PKN3: variants seen among roughly 807,000 people sequenced by gnomAD.
The protein encoded by PKN3 is serine/threonine-protein kinase N3.
Under a neutral mutation model 113.1 loss-of-function variants are expected in PKN3, and 91 were observed. The observed-to-expected ratio is 0.80, with a 90% CI of 0.68 to 0.96. The LOEUF (loss-of-function observed/expected upper bound fraction) is 0.96, where lower values mean the gene tolerates loss of function less well. Ranked by LOEUF, PKN3 falls within the 40% of genes least tolerant of loss-of-function variation. PKN3 has a pLI of 0.00. For synonymous variants in PKN3, 467 were observed against 499.0 expected (o/e 0.94, Z 0.85); for missense variants, 1,052 against 1,202.2 (o/e 0.88, Z 1.85).
At chr9:128,719,638 G>A in intron 18 of PKN3, 48 bp from the exon 19 acceptor site, 1 of 1,513,716 alleles carries the variant, frequency 6.6e-7, no homozygotes, top group Non-Finnish European at 8.9e-7. Flanking sequence ...TGAAGTTATT[G>A]TGAATAGGCC....
Position 128,714,866 on chromosome 9 carries a change from G to T in PKN3, c.1652+1G>T. On this transcript the variant is annotated splice_donor_variant, in intron 13 of 21. Transcript: ENST00000291906. LOFTEE classifies it high-confidence loss of function. ...CATCTCCACCAGCCTCCCCCACCAG[G>T]TACCCCATCCTGCGCACCTTCATGT... The T allele has an allele frequency of 6.2e-7, 1 of 1,613,522 alleles. No homozygotes were observed. The highest frequency in any genetic ancestry group is 8.5e-7 in the Non-Finnish European group (1 of 1,179,586).
intron 11 of PKN3, 97 bp downstream of exon 11, chr9:128,714,462 C>A: frequency 1.7e-6 from 2 of 1,170,740 alleles, no homozygotes; most frequent in Non-Finnish European, 2.6e-6. Flanking sequence ...CATTGCTCAG[C>A]CCGCTAACCC....
Position 128,706,998 on chromosome 9 carries a change from C to A in PKN3, c.626C>A (p.Thr209Lys), listed in dbSNP as rs772648294. ...NVVKLLSSRR[T>K]QDRKALAEAQ... ...GTGAAACTGCTTAGTAGCCGGAGAA[C>A]ACAGGACCGCAAGGCACTGGCTGAG... Residue 209 changes from threonine (T) to lysine (K), a missense_variant, in exon 5 of 22, where the codon ACA becomes AAA. Transcript: ENST00000291906. 5 of 1,614,088 alleles carry A rather than the reference C, an allele frequency of 3.1e-6. No homozygotes were observed. Among genetic ancestry groups the A allele is most frequent in the Non-Finnish European group, 4.2e-6 (5 of 1,180,032 alleles).
chr9:128,705,551 A>G lies in PKN3; in HGVS notation c.265+8A>G. On this transcript the variant is annotated splice_region_variant and intron_variant, in intron 2 of 21. Transcript: ENST00000291906. ...CTGGGCCTGGCCCAGCTGGTGAGTG[A>G]GGAGCTGAGACCCCCTCAGGACAGA... 1 of 1,553,974 alleles carries G rather than the reference A, an allele frequency of 6.4e-7. No homozygotes were observed. The highest frequency in any genetic ancestry group is 8.7e-7 in the Non-Finnish European group (1 of 1,149,456).
intron 6 of PKN3, among the ~76,000 whole-genome samples, chr9:128,711,589 C>G (rs1326188999): frequency 1.3e-5 from 2 of 151,840 alleles, no homozygotes; most frequent in African/African-American, 2.4e-5. Flanking sequence ...TGAGCCACCA[C>G]GCCCGGCCTT....
chr9:128,703,515 A>G (rs897144977), intron 1 of PKN3: 1 of 985,220 alleles, frequency 1.0e-6, no homozygotes, highest in African/African-American at 1.7e-5. Flanking sequence ...GTTTCCTGCC[A>G]GAGCTGGCAG....
At position 128,707,207 on chromosome 9, in the gene PKN3, T is replaced by C. The variant is rs770845002; in HGVS notation, c.652-15T>C. On this transcript the variant is annotated splice_polypyrimidine_tract_variant and intron_variant, in intron 5 of 21. Coordinates refer to ENST00000291906, the MANE Select transcript of PKN3 (RefSeq NM_013355.5). ...TATACCCCACGAACCTGGCTCTACG[T>C]TGTCCCCTCTGCAGGCCCAGGCCCA... 4.4e-6 allele frequency: 7 copies of C among 1,596,518 alleles called. No homozygotes were observed. Among genetic ancestry groups the C allele is most frequent in the Non-Finnish European group, 5.1e-6 (6 of 1,167,990 alleles).
At chr9:128,711,869 G>C (rs1224424715) in intron 6 of PKN3, among the ~76,000 whole-genome samples, 1 of 151,684 alleles carries the variant, frequency 6.6e-6, no homozygotes, top group Non-Finnish European at 1.5e-5. Context: ...AAAGTGCTGG[G>C]ATTACAGGTG....
In PKN3 at chr9:128,719,660, C is replaced by T. The variant is rs936756403; in HGVS notation, c.2126-26C>T. On this transcript the variant is annotated intron_variant, in intron 18 of 21. Coordinates refer to ENST00000291906, the MANE Select transcript of PKN3 (RefSeq NM_013355.5). ...ATTGTGAATAGGCCACACCAAGCAGCTATTGGTGTGCCTGTTGGTTTGCAG... is the reference window on the plus strand; with the variant it reads ...ATTGTGAATAGGCCACACCAAGCAGTTATTGGTGTGCCTGTTGGTTTGCAG... 3 of 1,526,414 alleles carry T rather than the reference C, an allele frequency of 2.0e-6. No individual in the cohort carries two copies. In the African/African-American group the frequency reaches 4.2e-5, roughly 21 times the overall value. The allele number at this position is 1,526,414 out of a possible 1,614,324, so 94.6% of individuals were successfully genotyped here.
At chr9:128,712,937 G>A (rs746364265) in intron 6 of PKN3, 115 bp from the exon 7 acceptor site, 294 of 1,136,068 alleles carry the variant, frequency 2.6e-4, no homozygotes, top group Non-Finnish European at 3.4e-4. Flanking sequence ...AGGTGGGTAC[G>A]GTCTGGGTTC....
intron 6 of PKN3, chr9:128,709,997 C>A (rs562283002): frequency 2.0e-5 from 3 of 149,532 alleles, no homozygotes; most frequent in South Asian, 2.2e-4. Context: ...GCGATCTCGG[C>A]TCACTGCAAG....
At chr9:128,706,350 G>A (rs934404516) in intron 3 of PKN3, among the ~76,000 whole-genome samples, 2 of 150,398 alleles carry the variant, frequency 1.3e-5, no homozygotes, top group African/African-American at 4.9e-5. Context: ...CTGATCTGAT[G>A]GGGGAAGCAT....
At chr9:128,704,376 G>A (rs1239728736) in intron 1 of PKN3, among the ~76,000 whole-genome samples, 1 of 152,176 alleles carries the variant, frequency 6.6e-6, no homozygotes, top group Non-Finnish European at 1.5e-5. Context: ...TGTGGCATTG[G>A]GACATCAGGG....
intron 9 of PKN3, 141 bp downstream of exon 9, chr9:128,713,783 C>T (rs1342148881): frequency 1.5e-5 from 14 of 935,638 alleles, no homozygotes; most frequent in Non-Finnish European, 1.6e-6. Context: ...CTCCTAGCCG[C>T]TCTCTCAGGG....
Position 128,713,066 on chromosome 9 carries a change from C to T in PKN3, c.850C>T (p.Arg284Cys), listed in dbSNP as rs377120914. 1.1e-5 allele frequency: 17 copies of T among 1,607,796 alleles called. No homozygotes were observed. The highest frequency in any genetic ancestry group is 2.7e-5 in the African/African-American group (2 of 74,810). ...TCTCCCCACAGGGACACTGCAGGTC[C>T]GCCTCCTGGGCTGTGAACAGTTGCT... ...PTALTGTLQV[R>C]LLGCEQLLTA... Residue 284 changes from arginine (R) to cysteine (C), a missense_variant, in exon 7 of 22, where the codon CGC becomes TGC. Physicochemically the swap from Arg to Cys is radical, Grantham distance 180. Around this residue, in one of 2 missense-constraint regions of PKN3, gnomAD observed 719 missense variants for 759.4 expected, o/e 0.95. Transcript: ENST00000291906.
Position 128,706,638 on chromosome 9 carries a change from G to A in PKN3, c.412-75G>A, listed in dbSNP as rs909411926. 2.7e-5 allele frequency: 30 copies of A among 1,131,518 alleles called. No homozygotes were observed. The Middle Eastern group carries it at 8.5e-4, about 32-fold the overall frequency. The allele number at this position is 1,131,518 out of a possible 1,614,324, so 70.1% of individuals were successfully genotyped here. A position where few individuals can be genotyped will look rare whatever the true frequency, so the allele number is the denominator to read the frequency against. On this transcript the variant is annotated intron_variant, in intron 3 of 21. Transcript: ENST00000291906. ...AACCCTGTTTTGATGGGGGAGACCCGGCTCCAGTTCCTGGTCTGATGGGGG... is the reference window on the plus strand; with the variant it reads ...AACCCTGTTTTGATGGGGGAGACCCAGCTCCAGTTCCTGGTCTGATGGGGG...
rs753882672 is a variant in PKN3, at chr9:128,715,679, T to C, written c.1808+219T>C. The stretch of plus-strand genomic sequence containing the variant: ...TGTAAAATGGGGGCATTGGTGGCTG[T>C]GCACGTTCAGAGCTCCTTGTGAGCC... On this transcript the variant is annotated intron_variant, in intron 15 of 21. Transcript: ENST00000291906. The surrounding 1 kb of genome is among the most constrained non-coding windows in gnomAD (Gnocchi z 4.1). Among the ~76,000 whole-genome samples, 1 of 152,188 alleles carries C rather than the reference T, an allele frequency of 6.6e-6. No homozygotes were observed. Among genetic ancestry groups the C allele is most frequent in the African/African-American group, 2.4e-5 (1 of 41,436 alleles).
At chr9:128,719,582 G>T in intron 18 of PKN3, 104 bp from the exon 19 acceptor site, 1 of 1,205,612 alleles carries the variant, frequency 8.3e-7, no homozygotes, top group South Asian at 1.5e-5. Context: ...GTACAGGGCA[G>T]GGCTTGGCAC....
intron 1 of PKN3, chr9:128,703,914 C>G: frequency 1.1e-5 from 11 of 985,470 alleles, no homozygotes; most frequent in Non-Finnish European, 1.3e-5. Flanking sequence ...GACTCAGGAC[C>G]CCGGTGGCCG....
Sources: gnomAD v4.1 joint callset for allele counts (sites outside exome capture counted in the v4.1 genomes callset) on GRCh38, gnomAD v4.1.1 for gene constraint, gnomAD v4.1.1 regional missense constraint, Gnocchi (gnomAD v3.1) non-coding constraint, MANE v1.5 for transcripts, NCBI Gene and HGNC (gene_info 2026-07-23, HGNC 2026-07-21) for gene names.